The following PI16 variants were observed in gnomAD, a reference collection of about 807,000 sequenced individuals.
PI16 encodes the protein peptidase inhibitor 16, also known as PSP94-binding protein.
In PI16, 35 loss-of-function variants were observed where a neutral mutation model predicts 38.0. The observed-to-expected ratio is 0.92, with a 90% CI of 0.70 to 1.22. The LOEUF (loss-of-function observed/expected upper bound fraction) is 1.22, where lower values mean the gene tolerates loss of function less well. PI16 is among the 50% of genes most tolerant of loss of function. The pLI is 0.00. For synonymous variants in PI16, 275 were observed against 252.9 expected, an observed-to-expected ratio of 1.09 and a Z score of -0.83; for missense variants, 572 against 593.8, an observed-to-expected ratio of 0.96 and a Z score of 0.38.
intron 6 of PI16, 105 bp downstream of exon 6, chr6:36,964,067 GCCC>G (rs1201460662): frequency 7.4e-7 from 1 of 1,357,308 alleles, no homozygotes; most frequent in East Asian, 2.4e-5. Context: ...TGGCCCAGCA[GCCC>G]CCCTTCACCC....
chr6:36,951,249 T>A (rs939086664), upstream of PI16, among the ~76,000 whole-genome samples: 17 of 151,944 alleles, frequency 1.1e-4, no homozygotes, highest in Non-Finnish European at 1.6e-4. Context: ...TTTAATCAAA[T>A]TTTTTTTTCT....
chr6:36,962,905 A>C lies in PI16; in HGVS notation c.593-30A>C, dbSNP rs746486849. On this transcript the variant is annotated intron_variant, in intron 4 of 6. Coordinates refer to ENST00000373674, the MANE Select transcript of PI16 (RefSeq NM_153370.3). This position sits in a 1 kb window ranked among gnomAD's most constrained non-coding sequence, Gnocchi z 4.1. ...AGAGATGTGGGGTCCTGCTTGCAGC[A>C]CTCATGCCCGTTCTCGTCTGTCTTA... 10 of 1,572,294 alleles carry C rather than the reference A, an allele frequency of 6.4e-6. No homozygotes were observed. Among genetic ancestry groups the C allele is most frequent in the Admixed American group, 1.8e-5 (1 of 55,622 alleles).
intron 2 of PI16, 64 bp downstream of exon 2, chr6:36,959,430 C>T (rs1453301421): frequency 2.7e-6 from 4 of 1,455,262 alleles, no homozygotes; most frequent in East Asian, 5.0e-5. Context: ...CACGTGCTCC[C>T]TGGGCGGGGC....
upstream of PI16, among the ~76,000 whole-genome samples, chr6:36,951,521 A>T (rs1763099855): frequency 6.6e-6 from 1 of 152,168 alleles, no homozygotes; most frequent in South Asian, 2.1e-4. Context: ...AACTGCTGGG[A>T]TTACAAAGTG....
upstream of PI16, chr6:36,954,676 C>T: frequency 6.6e-7 from 1 of 1,515,660 alleles, no homozygotes. Flanking sequence ...CTGCCCCACC[C>T]CAGCCAGGGT....
upstream of PI16, chr6:36,954,566 G>A (rs773208343): frequency 2.2e-5 from 16 of 720,958 alleles, no homozygotes; most frequent in Non-Finnish European, 3.2e-5. Context: ...TTTTGCCAAG[G>A]ACTCCAAGGG....
At chr6:36,959,429 C>T in intron 2 of PI16, 63 bp downstream of exon 2, 2 of 1,465,250 alleles carry the variant, frequency 1.4e-6, no homozygotes, top group South Asian at 2.7e-5. Flanking sequence ...CCACGTGCTC[C>T]CTGGGCGGGG....
At chr6:36,961,358 C>A in intron 2 of PI16, 93 bp from the exon 3 acceptor site, 1 of 1,104,730 alleles carries the variant, frequency 9.1e-7, no homozygotes, top group Non-Finnish European at 1.4e-6. Flanking sequence ...GGTGCCTCTT[C>A]TCTCCACTCC....
At chr6:36,951,205 T>C (rs981568750), upstream of PI16, among the ~76,000 whole-genome samples, 5 of 152,232 alleles carry the variant, frequency 3.3e-5, no homozygotes, top group African/African-American at 7.2e-5. Context: ...AATAATTGCA[T>C]AAATGAACAA....
At chr6:36,949,175 C>G (rs1256676759) in intron 1 of PI16, among the ~76,000 whole-genome samples, 1 of 151,836 alleles carries the variant, frequency 6.6e-6, no homozygotes, top group East Asian at 1.9e-4. Flanking sequence ...GTCGCCCAGG[C>G]TGGAATGCAG....
chr6:36,957,438 G>A (rs1203816907), intron 1 of PI16, among the ~76,000 whole-genome samples: 1 of 152,136 alleles, frequency 6.6e-6, no homozygotes, highest in Non-Finnish European at 1.5e-5. Flanking sequence ...AGTACTTGTG[G>A]CACATCTGTC....
chr6:36,948,952 G>A (rs931395961), intron 1 of PI16, among the ~76,000 whole-genome samples: 4 of 150,470 alleles, frequency 2.7e-5, no homozygotes, highest in East Asian at 2.0e-4. Flanking sequence ...GTGCCACTAC[G>A]CCCAGCTAAT....
chr6:36,953,706 C>T (rs1031619631), upstream of PI16, among the ~76,000 whole-genome samples: 3 of 152,140 alleles, frequency 2.0e-5, no homozygotes, highest in Admixed American at 6.5e-5. Context: ...CTGGTTCCAG[C>T]TTCCTGCTTC....
chr6:36,961,379 G>C lies in PI16; in HGVS notation c.394-72G>C, dbSNP rs559645017. 25 of 1,310,238 alleles carry C rather than the reference G, an allele frequency of 1.9e-5. No homozygotes were observed. In the Admixed American group the frequency reaches 4.2e-4, roughly 22 times the overall value. The allele number at this position is 1,310,238 out of a possible 1,614,324, so 81.2% of individuals were successfully genotyped here. A position where few individuals can be genotyped will look rare whatever the true frequency, so the allele number is the denominator to read the frequency against. On this transcript the variant is annotated intron_variant, in intron 2 of 6. Coordinates refer to ENST00000373674, the MANE Select transcript of PI16 (RefSeq NM_153370.3). The stretch of plus-strand genomic sequence containing the variant: ...TCTTCTCTCCACTCCTGTAAGGCAG[G>C]TGTAGTGGGATGCCAGGAAGGCACC...
intron 2 of PI16, among the ~76,000 whole-genome samples, chr6:36,960,189 G>A (rs962425564): frequency 6.6e-6 from 1 of 152,086 alleles, no homozygotes; most frequent in African/African-American, 2.4e-5. Flanking sequence ...TAACAATTAT[G>A]CATAACGATG....
At position 36,963,391 on chromosome 6, in the gene PI16, T is replaced by C. The variant is rs1377130198; in HGVS notation, c.1049T>C (p.Leu350Pro). 3 of 1,614,064 alleles carry C rather than the reference T, an allele frequency of 1.9e-6. No individual in the cohort carries two copies. The African/African-American group carries it at 4.0e-5, about 22-fold the overall frequency. The change falls in exon 5 of 7, where the codon CTA becomes CCA. Residue 350 changes from leucine to proline, a missense_variant. Physicochemically the swap from Leu to Pro is moderately conservative, Grantham distance 98 (BLOSUM62 -3). Coordinates refer to ENST00000373674, the MANE Select transcript of PI16 (RefSeq NM_153370.3). ...TCCCTGACAGGGGCAAGGGAACTCC[T>C]ACCCCATGCCCAGGAGGAGGCTGAG... is the stretch of plus-strand genomic sequence containing the variant. Reference protein sequence around the residue: ...KMSLTGARELLPHAQEEAEAE... With the variant: ...KMSLTGARELPPHAQEEAEAE...
intron 1 of PI16, among the ~76,000 whole-genome samples, chr6:36,955,206 T>C (rs902718052): frequency 1.7e-4 from 26 of 152,180 alleles, no homozygotes; most frequent in African/African-American, 5.8e-4. Context: ...GAGGGATTTG[T>C]TGGGGTCACA....
intron 1 of PI16, among the ~76,000 whole-genome samples, chr6:36,949,359 T>G (rs1308447862): frequency 6.6e-6 from 1 of 152,116 alleles, no homozygotes; most frequent in East Asian, 1.9e-4. Flanking sequence ...TGACCTCAGG[T>G]GATCCGCCCA....
upstream of PI16, among the ~76,000 whole-genome samples, chr6:36,950,932 C>T (rs947813174): frequency 3.7e-4 from 56 of 152,286 alleles, no homozygotes; most frequent in African/African-American, 1.3e-3. This position sits in a 1 kb window ranked among gnomAD's most constrained non-coding sequence, Gnocchi z 4.2. Context: ...TTTGAGGCAC[C>T]GTCACACTGT....
Sources: gnomAD v4.1 joint callset for allele counts (sites outside exome capture counted in the v4.1 genomes callset) on GRCh38, gnomAD v4.1.1 for gene constraint, Gnocchi (gnomAD v3.1) non-coding constraint, MANE v1.5 for transcripts, NCBI Gene and HGNC (gene_info 2026-07-23, HGNC 2026-07-21) for gene names.